DTL: variants seen among roughly 807,000 people sequenced by gnomAD.
DTL encodes denticleless E3 ubiquitin protein ligase adapter.
DTL carries 46 observed loss-of-function variants against 87.0 expected under a neutral mutation model. The observed-to-expected ratio is 0.53, with a 90% CI of 0.42 to 0.68. The LOEUF is 0.68. Ranked by LOEUF, DTL falls within the 30% of genes least tolerant of loss-of-function variation. The probability of loss-of-function intolerance (pLI) is 0.00; values close to 1 mark genes in which losing one functional copy is unlikely to be tolerated. For synonymous variants in DTL, 308 were observed against 311.2 expected, an observed-to-expected ratio of 0.99 and a Z score of 0.11; for missense variants, 737 against 869.4, an observed-to-expected ratio of 0.85 and a Z score of 1.91.
intron 5 of DTL, 32 bp from the exon 6 acceptor site, chr1:212,062,852 A>C: frequency 1.3e-6 from 2 of 1,581,894 alleles, no homozygotes; most frequent in African/African-American, 2.7e-5. Flanking sequence ...TGGTTTTGTT[A>C]ACCTCTTAAT....
At chr1:212,070,634 CTG>C (rs59056654) in intron 10 of DTL, among the ~76,000 whole-genome samples, 23 of 148,818 alleles carry the variant, frequency 1.5e-4, no homozygotes, top group East Asian at 2.0e-4. Flanking sequence ...TGAATGACAA[CTG>C]TGTGTGTGTG....
chr1:212,068,481 T>G (rs1192229189), intron 9 of DTL, 118 bp from the exon 10 acceptor site: 58 of 858,680 alleles, frequency 6.8e-5, no homozygotes, highest in Non-Finnish European at 2.3e-5. Context: ...GTGTATATTT[T>G]GGGGACAAAG....
rs370564378 is a variant in DTL at position 212,091,047 on chromosome 1, A to G, written c.1262-9205A>G. Among the ~76,000 whole-genome samples the G allele has an allele frequency of 1.3e-3, 201 of 152,354 alleles. 4 individuals are homozygous for G. In the South Asian group the frequency reaches 0.041, roughly 31 times the overall value. The stretch of plus-strand genomic sequence containing the variant: ...GTAGAATACCTATACCTTAGAATAC[A>G]TTGTAGCTATTAAAAATGATAAATC... On this transcript the variant is annotated intron_variant, in intron 13 of 14. Transcript: ENST00000366991.
At chr1:212,089,608 T>A (rs1655227081) in intron 13 of DTL, among the ~76,000 whole-genome samples, 1 of 152,248 alleles carries the variant, frequency 6.6e-6, no homozygotes, top group South Asian at 2.1e-4. Flanking sequence ...CATACTGTTA[T>A]AATGTAGTTA....
chr1:212,072,365 C>A, intron 11 of DTL, 152 bp downstream of exon 11: 1 of 629,862 alleles, frequency 1.6e-6, no homozygotes, highest in Non-Finnish European at 2.8e-6. Flanking sequence ...CTTAATATAG[C>A]TGAAACCTTA....
chr1:212,077,118 C>T (rs1393704080), intron 11 of DTL, among the ~76,000 whole-genome samples: 1 of 152,146 alleles, frequency 6.6e-6, no homozygotes, highest in African/African-American at 2.4e-5. Flanking sequence ...CCACTTTCTT[C>T]ATACAAATGA....
At chr1:212,090,740 ATAG>A (rs1163996012) in intron 13 of DTL, among the ~76,000 whole-genome samples, 15 of 152,366 alleles carry the variant, frequency 9.8e-5, no homozygotes, top group Non-Finnish European at 1.6e-4. Context: ...CTTGTGGAAA[ATAG>A]TAGTCATTTG....
At chr1:212,102,261 CTTTATCCCTAGCCAAAATTTCTA>C (rs1655645872) in intron 14 of DTL, among the ~76,000 whole-genome samples, 1 of 152,042 alleles carries the variant, frequency 6.6e-6, no homozygotes, top group Non-Finnish European at 1.5e-5. Flanking sequence ...TATGACTGCT[CTTTATCCCTAGCCAAAATTTCTA>C]TTTTTTTTTT....
intron 13 of DTL, among the ~76,000 whole-genome samples, chr1:212,088,379 A>C (rs1479746558): frequency 6.6e-6 from 1 of 152,172 alleles, no homozygotes. Flanking sequence ...CTTACTACGC[A>C]CTATAGGGGC....
At chr1:212,059,852 T>TA (rs1171939210) in intron 5 of DTL, among the ~76,000 whole-genome samples, 3 of 114,014 alleles carry the variant, frequency 2.6e-5, no homozygotes, top group Non-Finnish European at 5.9e-5. Context: ...AAAATCAACA[T>TA]ACAAAAAAAA....
chr1:212,038,901 A>G (rs997231986), intron 1 of DTL, among the ~76,000 whole-genome samples: 3 of 152,240 alleles, frequency 2.0e-5, no homozygotes, highest in African/African-American at 7.2e-5. Context: ...ATCTAATATA[A>G]TTTAAATACT....
chr1:212,068,363 GTT>G, intron 9 of DTL, 36 bp downstream of exon 9: 1 of 1,149,406 alleles, frequency 8.7e-7, no homozygotes, highest in South Asian at 1.4e-5. Context: ...GGAGATAAGA[GTT>G]TTTGTTTAAA....
chr1:212,053,790 T>C (rs1031085435), intron 5 of DTL, among the ~76,000 whole-genome samples: 1 of 152,198 alleles, frequency 6.6e-6, no homozygotes, highest in Non-Finnish European at 1.5e-5. Context: ...TTCGCCATGT[T>C]GCCCAGGCTA....
At chr1:212,074,943 A>G (rs1654785742) in intron 11 of DTL, among the ~76,000 whole-genome samples, 1 of 152,136 alleles carries the variant, frequency 6.6e-6, no homozygotes, top group African/African-American at 2.4e-5. Context: ...TTAATATTAT[A>G]CCTTTTCTTT....
chr1:212,096,111 C>G (rs1421990478), intron 13 of DTL, among the ~76,000 whole-genome samples: 1 of 151,878 alleles, frequency 6.6e-6, no homozygotes, highest in Non-Finnish European at 1.5e-5. Flanking sequence ...TTGTATATTT[C>G]CAGGAATTTA....
intron 11 of DTL, among the ~76,000 whole-genome samples, chr1:212,075,364 G>A (rs1006092260): frequency 6.6e-6 from 1 of 152,162 alleles, no homozygotes; most frequent in Admixed American, 6.5e-5. Flanking sequence ...AGAGAGGACA[G>A]TCTTCTGTGT....
chr1:212,038,429 T>G (rs1667549001), intron 1 of DTL, among the ~76,000 whole-genome samples: 1 of 152,176 alleles, frequency 6.6e-6, no homozygotes, highest in African/African-American at 2.4e-5. Flanking sequence ...CCTGCAATAT[T>G]ACCAATTTTA....
chr1:212,043,267 A>G (rs965175911), intron 2 of DTL, 149 bp downstream of exon 2: 2 of 741,070 alleles, frequency 2.7e-6, no homozygotes, highest in African/African-American at 1.8e-5. Flanking sequence ...TCTGATTTAT[A>G]AAATAGACTT....
At chr1:212,052,031 G>A (rs9919228) in intron 5 of DTL, 12 of 920,986 alleles carry the variant, frequency 1.3e-5, no homozygotes, top group African/African-American at 3.2e-5. Flanking sequence ...GGAAGATGGC[G>A]GTTCCGGCCG....
Sources: allele counts gnomAD v4.1 joint callset (sites outside exome capture counted in the v4.1 genomes callset), GRCh38; gene constraint gnomAD v4.1.1; transcripts MANE v1.5; gene names NCBI Gene and HGNC (gene_info 2026-07-23, HGNC 2026-07-21).